Variants in KCNIP3 observed in about 807,000 individuals in gnomAD.
KCNIP3 encodes the protein calsenilin.
In KCNIP3, 28 loss-of-function variants were observed where a neutral mutation model predicts 35.0. That is an observed-to-expected ratio of 0.80 (90% CI 0.59 to 1.10). KCNIP3 has a LOEUF of 1.10. Among genes scored for constraint, KCNIP3 ranks in the 50% least tolerant of loss-of-function variants. KCNIP3 has a pLI of 0.00. For synonymous variants in KCNIP3, 134 were observed against 133.8 expected (o/e 1.00, Z -0.01); for missense variants, 295 against 338.4 (o/e 0.87, Z 1.01).
intron 2 of KCNIP3, among the ~76,000 whole-genome samples, chr2:95,356,173 G>A (rs990694594): frequency 1.3e-5 from 2 of 152,226 alleles, no homozygotes; most frequent in South Asian, 2.1e-4. Flanking sequence ...CATATCCTTT[G>A]CCCACTTTTT....
At chr2:95,309,085 C>A (rs546569492) in intron 1 of KCNIP3, among the ~76,000 whole-genome samples, 3 of 152,228 alleles carry the variant, frequency 2.0e-5, no homozygotes, top group Admixed American at 2.0e-4. Flanking sequence ...TCAGGCAGTG[C>A]GTCACAGACA....
intron 3 of KCNIP3, 124 bp downstream of exon 3, chr2:95,374,544 CTG>C (rs951237335): frequency 1.3e-5 from 17 of 1,271,390 alleles, no homozygotes; most frequent in Non-Finnish European, 1.8e-5. Flanking sequence ...TGTGGGAAAG[CTG>C]TGTGGCGGGG....
chr2:95,340,792 A>G (rs1049158826), intron 2 of KCNIP3, among the ~76,000 whole-genome samples: 2 of 152,228 alleles, frequency 1.3e-5, no homozygotes, highest in African/African-American at 4.8e-5. Context: ...GATGCTCTAA[A>G]GCTGGTAGTG....
At chr2:95,362,326 G>A (rs532705573) in intron 2 of KCNIP3, among the ~76,000 whole-genome samples, 8 of 152,088 alleles carry the variant, frequency 5.3e-5, no homozygotes, top group Non-Finnish European at 2.9e-5. Context: ...GGCCGGTCTC[G>A]AACTCCCGAC....
intron 2 of KCNIP3, among the ~76,000 whole-genome samples, chr2:95,329,931 G>A (rs1678885056): frequency 6.6e-6 from 1 of 152,278 alleles, no homozygotes; most frequent in South Asian, 2.1e-4. Flanking sequence ...CAGGGCCTTC[G>A]CCCCCGCTCT....
At chr2:95,324,241 G>T (rs1678666590) in intron 2 of KCNIP3, among the ~76,000 whole-genome samples, 1 of 152,258 alleles carries the variant, frequency 6.6e-6, no homozygotes, top group Admixed American at 6.5e-5. Context: ...GCCGGGCGCG[G>T]TGGCTCACGC....
At chr2:95,346,987 CGGGCCCCA>C (rs761088501) in intron 2 of KCNIP3, 14 of 1,530,442 alleles carry the variant, frequency 9.1e-6, no homozygotes, top group East Asian at 2.4e-5. Context: ...GGGGTGCGCC[CGGGCCCCA>C]GGGCCCCAGG....
At chr2:95,374,256 G>A (rs1680115273) in intron 2 of KCNIP3, 40 bp from the exon 3 acceptor site, 1 of 1,603,468 alleles carries the variant, frequency 6.2e-7, no homozygotes, top group Non-Finnish European at 8.5e-7. Flanking sequence ...GAGGAGCAGG[G>A]CTACAGGCCT....
chr2:95,338,493 C>T (rs1173244892), intron 2 of KCNIP3, among the ~76,000 whole-genome samples: 2 of 152,126 alleles, frequency 1.3e-5, no homozygotes, highest in East Asian at 1.9e-4. Flanking sequence ...TAGCTGAGTC[C>T]TTCCCACTGC....
rs192944589 is a variant in KCNIP3, at chr2:95,376,091, C to T, written c.447+883C>T. The stretch of plus-strand genomic sequence containing the variant: ...CCTGCCCTGTGACCACAGGACCCCT[C>T]GACTCTGAGCCACACTCTGAGGGCT... On this transcript the variant is annotated intron_variant, in intron 5 of 8. Coordinates refer to ENST00000295225, the MANE Select transcript of KCNIP3 (RefSeq NM_013434.5). This position sits in a 1 kb window ranked among gnomAD's most constrained non-coding sequence, Gnocchi z 4.2. Among the ~76,000 whole-genome samples, 76 of 152,318 alleles carry T rather than the reference C, an allele frequency of 5.0e-4. No homozygotes were observed. The highest frequency in any genetic ancestry group is 1.8e-3 in the African/African-American group (73 of 41,572).
rs556744230 is a variant in KCNIP3 at position 95,323,062 on chromosome 2, C to T, written c.181+12542C>T. ...TCCACCCACCCAGCCTCCCCCATTG[C>T]CTGCCTCCTAACGGCCAAATAGAAC... On this transcript the variant is annotated intron_variant, in intron 2 of 8. Coordinates refer to ENST00000295225, the MANE Select transcript of KCNIP3 (RefSeq NM_013434.5). Among the ~76,000 whole-genome samples, 41 of 152,334 alleles carry T rather than the reference C, an allele frequency of 2.7e-4. No homozygotes were observed. In the East Asian group the frequency reaches 7.5e-3, roughly 28 times the overall value.
At chr2:95,353,090 C>T (rs1679568644) in intron 2 of KCNIP3, among the ~76,000 whole-genome samples, 2 of 152,150 alleles carry the variant, frequency 1.3e-5, no homozygotes, top group African/African-American at 4.8e-5. Context: ...GGGTGGGGGG[C>T]TGTAAGGGCC....
chr2:95,324,555 A>AATAAATAAATAAATAT (rs1573490409), intron 2 of KCNIP3, among the ~76,000 whole-genome samples: 1 of 150,588 alleles, frequency 6.6e-6, no homozygotes, highest in Non-Finnish European at 1.5e-5. Flanking sequence ...TAAATAAATA[A>AATAAATAAATAAATAT]AAATAACGTG....
At chr2:95,322,607 G>A (rs1219185819) in intron 2 of KCNIP3, among the ~76,000 whole-genome samples, 1 of 152,210 alleles carries the variant, frequency 6.6e-6, no homozygotes, top group East Asian at 1.9e-4. Flanking sequence ...GGGCAGGGCT[G>A]GTGATAGTTG....
In KCNIP3 at chr2:95,308,351, G is replaced by A. The variant is rs563122067; in HGVS notation, c.16-2004G>A. Reference sequence around the variant, plus strand: ...GCCAAGGGTGTGTCGGAGGAAGGGTGGATGATGACTGTGAGCTGGAGGACT... The same window carrying A: ...GCCAAGGGTGTGTCGGAGGAAGGGTAGATGATGACTGTGAGCTGGAGGACT... On this transcript the variant is annotated intron_variant, in intron 1 of 8. Coordinates refer to ENST00000295225, the MANE Select transcript of KCNIP3 (RefSeq NM_013434.5). Among the ~76,000 whole-genome samples, 7 of 152,334 alleles carry A rather than the reference G, an allele frequency of 4.6e-5. No homozygotes were observed. The South Asian group carries it at 1.2e-3, about 27-fold the overall frequency.
chr2:95,352,994 C>T (rs1679565109), intron 2 of KCNIP3, among the ~76,000 whole-genome samples: 2 of 152,224 alleles, frequency 1.3e-5, no homozygotes, highest in Non-Finnish European at 2.9e-5. Flanking sequence ...AGGCATCTGC[C>T]CTCTAAACCT....
At chr2:95,307,232 ACT>A (rs1203094696) in intron 1 of KCNIP3, among the ~76,000 whole-genome samples, 1 of 152,144 alleles carries the variant, frequency 6.6e-6, no homozygotes, top group Non-Finnish European at 1.5e-5. Context: ...GAAAAGACAC[ACT>A]GGGGCCCCCT....
intron 2 of KCNIP3, among the ~76,000 whole-genome samples, chr2:95,325,887 ACACT>A (rs1678752389): frequency 3.3e-5 from 5 of 151,392 alleles, no homozygotes; most frequent in Non-Finnish European, 5.9e-5. Flanking sequence ...AGACATACAC[ACACT>A]CATAGACACA....
chr2:95,328,017 C>G (rs1034676507), intron 2 of KCNIP3, among the ~76,000 whole-genome samples: 1 of 152,242 alleles, frequency 6.6e-6, no homozygotes, highest in African/African-American at 2.4e-5. Context: ...CCAGCCTGTA[C>G]TGGAAAGAGC....
Sources: gnomAD v4.1 joint callset for allele counts (sites outside exome capture counted in the v4.1 genomes callset) on GRCh38, gnomAD v4.1.1 for gene constraint, Gnocchi (gnomAD v3.1) non-coding constraint, MANE v1.5 for transcripts, NCBI Gene and HGNC (gene_info 2026-07-23, HGNC 2026-07-21) for gene names.